The following LIMS2 variants were observed in gnomAD, a reference collection of about 807,000 sequenced individuals.
LIMS2 encodes the protein LIM and senescent cell antigen-like-containing domain protein 2.
LIMS2 carries 30 observed loss-of-function variants against 45.3 expected under a neutral mutation model. That is an observed-to-expected ratio of 0.66 (90% CI 0.50 to 0.90). The LOEUF is 0.90. Ranked by LOEUF, LIMS2 falls within the 40% of genes least tolerant of loss-of-function variation. The pLI is 0.00. For synonymous variants in LIMS2, 173 were observed against 188.0 expected, an observed-to-expected ratio of 0.92 and a Z score of 0.65; for missense variants, 485 against 468.7, an observed-to-expected ratio of 1.03 and a Z score of -0.32.
At chr2:127,651,692 C>T in intron 4 of LIMS2, 1 of 1,613,216 alleles carries the variant, frequency 6.2e-7, no homozygotes, top group Non-Finnish European at 8.5e-7. Flanking sequence ...GGCTCAAGGG[C>T]CCGCCCCCCA....
At chr2:127,680,613 C>T (rs894520538) in intron 1 of LIMS2, among the ~76,000 whole-genome samples, 1 of 152,226 alleles carries the variant, frequency 6.6e-6, no homozygotes, top group Non-Finnish European at 1.5e-5. Flanking sequence ...CCACAATTCT[C>T]TCAACATTTG....
chr2:127,666,258 A>G (rs1482295132), intron 1 of LIMS2, among the ~76,000 whole-genome samples: 1 of 152,168 alleles, frequency 6.6e-6, no homozygotes, highest in Non-Finnish European at 1.5e-5. Context: ...TCATCCCTCC[A>G]TAAAAGCAAT....
chr2:127,660,182 T>A (rs977599688), intron 1 of LIMS2, among the ~76,000 whole-genome samples: 1 of 152,160 alleles, frequency 6.6e-6, no homozygotes, highest in African/African-American at 2.4e-5. Context: ...CAATCAGCAC[T>A]TGGTAAAAAC....
At position 127,662,563 on chromosome 2, in the gene LIMS2, G is replaced by A. The variant is rs186114700; in HGVS notation, c.12-5001C>T. 4.2e-3 allele frequency among the ~76,000 whole-genome samples: 612 copies of A among 147,420 alleles called. 1 individual carries two copies. Among genetic ancestry groups the A allele is most frequent in the Middle Eastern group, 7.2e-3 (2 of 278 alleles). On this transcript the variant is annotated intron_variant, in intron 1 of 9. Coordinates refer to ENST00000355119, the MANE Select transcript of LIMS2 (RefSeq NM_001161403.3). The stretch of plus-strand genomic sequence containing the variant: ...AACATGCTGCCTGTTCTCACTCGTA[G>A]GTGGGAATTGAACATTGAGAACACA...
At chr2:127,675,540 G>A (rs1158952738), upstream of LIMS2, among the ~76,000 whole-genome samples, 1 of 152,084 alleles carries the variant, frequency 6.6e-6, no homozygotes, top group Non-Finnish European at 1.5e-5. Context: ...CCTGGATTCC[G>A]GGCATAGCTT....
At chr2:127,641,974 C>CT (rs776559556) in intron 6 of LIMS2, 75 bp downstream of exon 6, 180 of 1,520,144 alleles carry the variant, frequency 1.2e-4, no homozygotes, top group Non-Finnish European at 1.6e-4. Context: ...TGTGGAGGAG[C>CT]TTTAGGGCTC....
chr2:127,651,332 G>A (rs1683757670), intron 4 of LIMS2: 3 of 1,611,082 alleles, frequency 1.9e-6, no homozygotes, highest in South Asian at 1.1e-5. Flanking sequence ...CCCTGGCAGT[G>A]GCCTTCACCT....
intron 1 of LIMS2, among the ~76,000 whole-genome samples, chr2:127,658,109 T>C (rs1430885427): frequency 6.6e-6 from 1 of 152,174 alleles, no homozygotes; most frequent in Admixed American, 6.5e-5. Flanking sequence ...GCTGGGTGCG[T>C]GTGCAGAATG....
intron 1 of LIMS2, among the ~76,000 whole-genome samples, chr2:127,665,371 G>A (rs1407671048): frequency 3.9e-5 from 6 of 152,142 alleles, no homozygotes; most frequent in Non-Finnish European, 7.4e-5. Context: ...AGAAAGCCTT[G>A]GAGGGGCTCA....
intron 4 of LIMS2, chr2:127,650,806 G>A (rs1683676064): frequency 6.2e-7 from 1 of 1,613,728 alleles, no homozygotes; most frequent in Non-Finnish European, 8.5e-7. Context: ...GAGCAATGTG[G>A]CCAGGAGACG....
At chr2:127,670,635 TGTC>T (rs1330494828) in intron 1 of LIMS2, among the ~76,000 whole-genome samples, 1 of 152,262 alleles carries the variant, frequency 6.6e-6, no homozygotes, top group Non-Finnish European at 1.5e-5. Context: ...ATGTGAACTA[TGTC>T]TCAGATTTTA....
intron 6 of LIMS2, 102 bp from the exon 7 acceptor site, chr2:127,641,090 TC>T: frequency 1.2e-6 from 1 of 866,300 alleles, no homozygotes; most frequent in Non-Finnish European, 1.9e-6. Flanking sequence ...AGCCAGTGAC[TC>T]CAGGGGACCA....
At chr2:127,669,449 C>T (rs1321961901) in intron 1 of LIMS2, among the ~76,000 whole-genome samples, 1 of 152,072 alleles carries the variant, frequency 6.6e-6, no homozygotes, top group East Asian at 1.9e-4. Context: ...CACGGTGGCT[C>T]GTGCCTGTAA....
At position 127,653,652 on chromosome 2, in the gene LIMS2, C is replaced by T. The variant is rs1192078327; in HGVS notation, c.359+772G>A. ...GGCAGAACCACAGGAACTCAGGGTCCCGGGTGCCAGAAGGGGGGCGTTTCT... is the reference window on the plus strand; with the variant it reads ...GGCAGAACCACAGGAACTCAGGGTCTCGGGTGCCAGAAGGGGGGCGTTTCT... On this transcript the variant is annotated intron_variant, in intron 4 of 9. Transcript: ENST00000355119. This position sits in a 1 kb window ranked among gnomAD's most constrained non-coding sequence, Gnocchi z 5.3. Among the ~76,000 whole-genome samples, 1 of 151,998 alleles carries T rather than the reference C, an allele frequency of 6.6e-6. No individual in the cohort carries two copies. The highest frequency in any genetic ancestry group is 1.5e-5 in the Non-Finnish European group (1 of 67,988).
At position 127,640,250 on chromosome 2, in the gene LIMS2, G is replaced by C. The variant is rs780696770; in HGVS notation, c.802+20C>G. The C allele has an allele frequency of 1.2e-6, 2 of 1,613,160 alleles. No homozygotes were observed. Among genetic ancestry groups the C allele is most frequent in the South Asian group, 2.2e-5 (2 of 91,078 alleles). ...CCCCAGGAGAGCAGGTGGGGTGGGG[G>C]AGGGAACACAGGGCCTCACCATCGC... On this transcript the variant is annotated intron_variant, in intron 8 of 9. Coordinates refer to ENST00000355119, the MANE Select transcript of LIMS2 (RefSeq NM_001161403.3).
At chr2:127,649,450 A>T (rs937038880) in intron 4 of LIMS2, among the ~76,000 whole-genome samples, 1 of 152,226 alleles carries the variant, frequency 6.6e-6, no homozygotes, top group African/African-American at 2.4e-5. Flanking sequence ...CCAGGTGCCC[A>T]GAGGAGCCCC....
intron 4 of LIMS2, among the ~76,000 whole-genome samples, chr2:127,644,388 T>C (rs577952358): frequency 5.3e-5 from 8 of 152,342 alleles, no homozygotes; most frequent in East Asian, 1.9e-4. Context: ...GAAGCAGTTG[T>C]GGCCTGTGGC....
At chr2:127,651,250 C>T in intron 4 of LIMS2, 2 of 1,606,140 alleles carry the variant, frequency 1.2e-6, no homozygotes, top group Non-Finnish European at 1.7e-6. Context: ...AGCCCACAGA[C>T]CGTGCAGACC....
rs1684851046 is a variant in LIMS2 at position 127,664,095 on chromosome 2, C to T, written c.12-6533G>A. Reference sequence around the variant, plus strand: ...TCTCTAACATAGGTCCCTGGGCGCACCCTGCCAGGAGAGCTGATCACAGGT... The same window carrying T: ...TCTCTAACATAGGTCCCTGGGCGCATCCTGCCAGGAGAGCTGATCACAGGT... On this transcript the variant is annotated intron_variant, in intron 1 of 9. Coordinates refer to ENST00000355119, the MANE Select transcript of LIMS2 (RefSeq NM_001161403.3). The surrounding 1 kb of genome is among the most constrained non-coding windows in gnomAD (Gnocchi z 5.5). Among the ~76,000 whole-genome samples, 1 of 152,156 alleles carries T rather than the reference C, an allele frequency of 6.6e-6. No individual in the cohort carries two copies. The highest frequency in any genetic ancestry group is 2.1e-4 in the South Asian group (1 of 4,830).
Sources: allele counts gnomAD v4.1 joint callset (sites outside exome capture counted in the v4.1 genomes callset), GRCh38; gene constraint gnomAD v4.1.1; non-coding constraint Gnocchi (gnomAD v3.1); transcripts MANE v1.5; gene names NCBI Gene and HGNC (gene_info 2026-07-23, HGNC 2026-07-21).